Variants in NLRP3 observed in about 807,000 individuals in gnomAD.
The protein encoded by NLRP3 is NLR family pyrin domain containing 3, also known as NACHT, LRR and PYD domains-containing protein 3.
A neutral mutation model predicts 91.3 loss-of-function variants in NLRP3; 48 were observed. That is an observed-to-expected ratio of 0.53 (90% CI 0.42 to 0.67). NLRP3 has a LOEUF of 0.67. Ranked by LOEUF, NLRP3 falls within the 30% of genes least tolerant of loss-of-function variation. The pLI, the probability that NLRP3 is intolerant of heterozygous loss-of-function variation, is 0.00. For synonymous variants in NLRP3, 561 were observed against 507.9 expected (o/e 1.10, Z -1.41); for missense variants, 982 against 1,276.9 (o/e 0.77, Z 3.52).
chr1:247,432,180 G>A (rs560106048), intron 5 of NLRP3, among the ~76,000 whole-genome samples: 2 of 152,212 alleles, frequency 1.3e-5, no homozygotes, highest in Non-Finnish European at 2.9e-5. Context: ...ACCGTGCCCG[G>A]CCTTAGTGTA....
Position 247,425,601 on chromosome 1 carries a change from T to C in NLRP3, c.2150+2T>C. 2.5e-6 allele frequency: 4 copies of C among 1,604,050 alleles called. No homozygotes were observed. The highest frequency in any genetic ancestry group is 3.4e-6 in the Non-Finnish European group (4 of 1,179,938). ...CTCTCATGCTGCCTGTTCTCATGGG[T>C]AAGGAAACTCGGCTTCCAGGTGCTT... is the stretch of plus-strand genomic sequence containing the variant. On this transcript the variant is annotated splice_donor_variant, in intron 4 of 9. Coordinates refer to ENST00000336119, the MANE Select transcript of NLRP3 (RefSeq NM_001243133.2). LOFTEE classifies it high-confidence loss of function. The surrounding 1 kb of genome is among the most constrained non-coding windows in gnomAD (Gnocchi z 4.1).
chr1:247,426,051 T>C, intron 4 of NLRP3, among the ~76,000 whole-genome samples: 1 of 152,142 alleles, frequency 6.6e-6, no homozygotes, highest in East Asian at 1.9e-4. Context: ...AATCTAAGCC[T>C]CCTTTAAGGA....
Position 247,444,485 on chromosome 1 carries a change from GAGA to G in NLRP3, c.2835-161_2835-159del. ...CAATGCAGTGGATTTGAAAAAGAGA[GAGA>G]AGAATAATTACCAGCATACAAGGCT... On this transcript the variant is annotated intron_variant, in intron 8 of 9. Transcript: ENST00000336119. Among the ~76,000 whole-genome samples the G allele has an allele frequency of 1.3e-5, 2 of 151,690 alleles. 1 individual carries two copies.
Position 247,418,644 on chromosome 1 carries a change from CAT to C in NLRP3, c.-156_-155del, listed in dbSNP as rs1662218970. The C allele has an allele frequency of 2.2e-6, 2 of 927,798 alleles. No individual in the cohort carries two copies. The highest frequency in any genetic ancestry group is 3.3e-6 in the Non-Finnish European group (2 of 599,630). The allele number at this position is 927,798 out of a possible 1,614,324, so 57.5% of individuals were successfully genotyped here. A position where few individuals can be genotyped will look rare whatever the true frequency, so the allele number is the denominator to read the frequency against. Reference sequence around the variant, plus strand: ...ATTAAAGATTTTGACTTGTTACAGTCATGTGACATTTTTTTCTTTCTGTTTGC... The same window carrying C: ...ATTAAAGATTTTGACTTGTTACAGTCGTGACATTTTTTTCTTTCTGTTTGC... On this transcript the variant is annotated 5_prime_UTR_variant, in exon 2 of 10. The change abolishes an upstream ATG in the 5' untranslated region. Coordinates refer to ENST00000336119, the MANE Select transcript of NLRP3 (RefSeq NM_001243133.2).
rs74154641 is a variant in NLRP3, at chr1:247,434,731, G to A, written c.2492+458G>A. ...GAAAAAACCACTTAAAAATGGAAGGGCCATTTCTCACCCATTAGGATGGCT... is the reference window on the plus strand; with the variant it reads ...GAAAAAACCACTTAAAAATGGAAGGACCATTTCTCACCCATTAGGATGGCT... On this transcript the variant is annotated intron_variant, in intron 6 of 9. Coordinates refer to ENST00000336119, the MANE Select transcript of NLRP3 (RefSeq NM_001243133.2). 1.0e-2 allele frequency among the ~76,000 whole-genome samples: 1,517 copies of A among 152,242 alleles called. 28 individuals are homozygous for A. Among genetic ancestry groups the A allele is most frequent in the African/African-American group, 0.034 (1,395 of 41,520 alleles).
intron 5 of NLRP3, among the ~76,000 whole-genome samples, chr1:247,432,270 G>A (rs1182249849): frequency 1.9e-5 from 2 of 105,026 alleles, no homozygotes; most frequent in Non-Finnish European, 3.4e-5. Flanking sequence ...CCACCCTTCT[G>A]AGGCTCTAGT....
At position 247,444,082 on chromosome 1, in the gene NLRP3, A is replaced by C. The variant is rs1024627542; in HGVS notation, c.2774A>C (p.Lys925Thr). 7 of 1,614,022 alleles carry C rather than the reference A, an allele frequency of 4.3e-6. No homozygotes were observed. Among genetic ancestry groups the C allele is most frequent in the Non-Finnish European group, 5.9e-6 (7 of 1,180,018 alleles). ...CTGCGAGGCAACACTCTCGGAGACAAGGGGATCAAACTACTCTGTGAGGGA... is the reference window on the plus strand; with the variant it reads ...CTGCGAGGCAACACTCTCGGAGACACGGGGATCAAACTACTCTGTGAGGGA... ...LYLRGNTLGD[K>T]GIKLLCEGLL... Residue 925 changes from lysine (K) to threonine (T), a missense_variant, in exon 8 of 10, where the codon AAG (lysine) becomes ACG (threonine). Coordinates refer to ENST00000336119, the MANE Select transcript of NLRP3 (RefSeq NM_001243133.2).
At chr1:247,422,378 C>CAA (rs3078448) in intron 2 of NLRP3, among the ~76,000 whole-genome samples, 18,912 of 141,656 alleles carry the variant, frequency 0.13, 2,224 homozygotes, top group African/African-American at 0.32. Context: ...GGCCCTGTCT[C>CAA]AAAAAAAAAA....
intron 7 of NLRP3, among the ~76,000 whole-genome samples, chr1:247,438,393 T>C (rs1422639697): frequency 1.4e-5 from 2 of 146,404 alleles, no homozygotes; most frequent in African/African-American, 5.1e-5. Flanking sequence ...TTTTTTTTTT[T>C]TTTTTTTTGA....
chr1:247,424,161 A>T lies in NLRP3; in HGVS notation c.712A>T (p.Met238Leu), dbSNP rs762048543. ...IGKTILARKM[M>L]LDWASGTLYQ... is the part of the protein sequence containing the mutation. ...GAAAACAATCCTGGCCAGGAAGATG[A>T]TGTTGGACTGGGCGTCGGGGACACT... The change falls in exon 4 of 10, where the codon ATG becomes TTG. Residue 238 changes from methionine to leucine, a missense_variant. Physicochemically the swap from Met to Leu is conservative, Grantham distance 15. Transcript: ENST00000336119. The surrounding 1 kb of genome is among the most constrained non-coding windows in gnomAD (Gnocchi z 8.1). The T allele has an allele frequency of 2.5e-6, 4 of 1,614,026 alleles. No homozygotes were observed. The highest frequency in any genetic ancestry group is 2.5e-6 in the Non-Finnish European group (3 of 1,179,998).
chr1:247,439,990 T>G (rs1664089965), intron 7 of NLRP3, among the ~76,000 whole-genome samples: 1 of 152,246 alleles, frequency 6.6e-6, no homozygotes. Context: ...TTTATGCATT[T>G]TATGTGTTAG....
chr1:247,429,936 G>A lies in NLRP3; in HGVS notation c.2321+181G>A, dbSNP rs549003282. ...ATTGCCCAGGCTGGAGTGCAATGCC[G>A]TGACCTCGGCTCACTGCAATCTCTG... On this transcript the variant is annotated intron_variant, in intron 5 of 9. Transcript: ENST00000336119. Among the ~76,000 whole-genome samples the A allele has an allele frequency of 2.3e-4, 35 of 152,054 alleles. No homozygotes were observed. The South Asian group carries it at 4.2e-3, about 18-fold the overall frequency.
At position 247,424,837 on chromosome 1, in the gene NLRP3, A is replaced by T; in HGVS notation, c.1388A>T (p.His463Leu). ...AGCCAGGAGCACGGCCTCTGCGCCCACCTCTGGGGGCTCTGCTCTTTGGCT... is the reference window on the plus strand; with the variant it reads ...AGCCAGGAGCACGGCCTCTGCGCCCTCCTCTGGGGGCTCTGCTCTTTGGCT... ...GGSQEHGLCAHLWGLCSLAAD... is the reference protein window; with the variant it reads ...GGSQEHGLCALLWGLCSLAAD... Residue 463 changes from histidine to leucine, a missense_variant, in exon 4 of 10, where the codon CAC becomes CTC. Around this residue, in one of 5 missense-constraint regions of NLRP3, gnomAD observed 548 missense variants for 713.7 expected, o/e 0.77. Coordinates refer to ENST00000336119, the MANE Select transcript of NLRP3 (RefSeq NM_001243133.2). The surrounding 1 kb of genome is among the most constrained non-coding windows in gnomAD (Gnocchi z 8.1). 1 of 1,607,820 alleles carries T rather than the reference A, an allele frequency of 6.2e-7. No homozygotes were observed. Among genetic ancestry groups the T allele is most frequent in the South Asian group, 1.1e-5 (1 of 91,060 alleles).
intron 2 of NLRP3, among the ~76,000 whole-genome samples, chr1:247,419,973 T>C (rs1662338610): frequency 6.6e-6 from 1 of 152,206 alleles, no homozygotes; most frequent in South Asian, 2.1e-4. Flanking sequence ...TTCTGTTAAA[T>C]ATTTTGAAGA....
At chr1:247,423,112 T>G in intron 2 of NLRP3, 118 bp from the exon 3 acceptor site, 48 of 1,355,012 alleles carry the variant, frequency 3.5e-5, no homozygotes, top group Non-Finnish European at 4.2e-5. Context: ...CTCAGAGCCA[T>G]GTTTTGATTT....
intron 6 of NLRP3, among the ~76,000 whole-genome samples, chr1:247,434,886 C>G (rs1223744514): frequency 6.6e-6 from 1 of 152,058 alleles, no homozygotes; most frequent in Non-Finnish European, 1.5e-5. Flanking sequence ...CACAGCAATT[C>G]CTAAAAAATA....
In NLRP3 at chr1:247,425,654, T is replaced by A; in HGVS notation, c.2150+55T>A. The A allele has an allele frequency of 6.5e-7, 1 of 1,546,790 alleles. No individual in the cohort carries two copies. Among genetic ancestry groups the A allele is most frequent in the South Asian group, 1.1e-5 (1 of 89,666 alleles). On this transcript the variant is annotated intron_variant, in intron 4 of 9. Coordinates refer to ENST00000336119, the MANE Select transcript of NLRP3 (RefSeq NM_001243133.2). The surrounding 1 kb of genome is among the most constrained non-coding windows in gnomAD (Gnocchi z 4.1). ...TCCTGCTTCCTCGCCAGCTTCTTCTTGGCGCTTGCCTCCTCTCATCTCTTT... is the reference window on the plus strand; with the variant it reads ...TCCTGCTTCCTCGCCAGCTTCTTCTAGGCGCTTGCCTCCTCTCATCTCTTT...
chr1:247,438,390 T>TTTTTTTTTTTTTTG (rs1663952628), intron 7 of NLRP3, among the ~76,000 whole-genome samples: 1 of 144,310 alleles, frequency 6.9e-6, no homozygotes. Context: ...TTTTTTTTTT[T>TTTTTTTTTTTTTTG]TTTTTTTTTT....
At position 247,424,618 on chromosome 1, in the gene NLRP3, C is replaced by G; in HGVS notation, c.1169C>G (p.Ala390Gly). ...FFKYFSDEAQARAAFSLIQEN... is the reference protein window; with the variant it reads ...FFKYFSDEAQGRAAFSLIQEN... ...AAGTACTTCTCTGATGAGGCCCAAG[C>G]CAGGGCAGCCTTCAGTCTGATTCAG... The change falls in exon 4 of 10, where the codon GCC becomes GGC. Residue 390 changes from alanine to glycine, a missense_variant. Around this residue, in one of 5 missense-constraint regions of NLRP3, gnomAD observed 548 missense variants for 713.7 expected, o/e 0.77. Coordinates refer to ENST00000336119, the MANE Select transcript of NLRP3 (RefSeq NM_001243133.2). This position sits in a 1 kb window ranked among gnomAD's most constrained non-coding sequence, Gnocchi z 8.1. The G allele has an allele frequency of 6.2e-7, 1 of 1,614,240 alleles. No homozygotes were observed.
Sources: gnomAD v4.1 joint callset for allele counts (sites outside exome capture counted in the v4.1 genomes callset) on GRCh38, gnomAD v4.1.1 for gene constraint, gnomAD v4.1.1 regional missense constraint, Gnocchi (gnomAD v3.1) non-coding constraint, MANE v1.5 for transcripts, NCBI Gene and HGNC (gene_info 2026-07-23, HGNC 2026-07-21) for gene names.